Variants in PCDHGB6 observed in about 807,000 individuals in gnomAD.
PCDHGB6 encodes protocadherin gamma subfamily B, 6, also known as protocadherin gamma-B6.
PCDHGB6 carries 51 observed loss-of-function variants against 59.1 expected under a neutral mutation model. The observed-to-expected ratio is 0.86, with a 90% CI of 0.69 to 1.09. The LOEUF (loss-of-function observed/expected upper bound fraction) is 1.09, where lower values mean the gene tolerates loss of function less well. PCDHGB6 is among the 50% of genes least tolerant of loss of function. The probability of loss-of-function intolerance (pLI) is 0.00; values close to 1 mark genes in which losing one functional copy is unlikely to be tolerated. For synonymous variants in PCDHGB6, 466 were observed against 495.1 expected, an observed-to-expected ratio of 0.94 and a Z score of 0.78; for missense variants, 1,148 against 1,205.1, an observed-to-expected ratio of 0.95 and a Z score of 0.70.
chr5:141,491,414 G>C lies in PCDHGB6; in HGVS notation c.2419-3393G>C, dbSNP rs137987971. 35 of 1,614,008 alleles carry C rather than the reference G, an allele frequency of 2.2e-5. No homozygotes were observed. Among genetic ancestry groups the C allele is most frequent in the African/African-American group, 1.3e-4 (10 of 74,910 alleles). On this transcript the variant is annotated intron_variant, in intron 1 of 3. Coordinates refer to ENST00000520790, the MANE Select transcript of PCDHGB6 (RefSeq NM_018926.3). The surrounding 1 kb of genome is among the most constrained non-coding windows in gnomAD (Gnocchi z 6.9). ...CTTCAGGGAAACGCAGACGGGGACG[G>C]GGGTGGAGGGCAGTGCTGCAGGCGC...
intron 1 of PCDHGB6, chr5:141,422,759 A>G (rs2096670710): frequency 6.2e-7 from 1 of 1,613,252 alleles, no homozygotes; most frequent in Non-Finnish European, 8.5e-7. Flanking sequence ...ATTAACTCCA[A>G]CACTGGTGTT....
In PCDHGB6 at chr5:141,487,218, C is replaced by T; in HGVS notation, c.2419-7589C>T. The T allele has an allele frequency of 6.2e-7, 1 of 1,613,938 alleles. No individual in the cohort carries two copies. The highest frequency in any genetic ancestry group is 1.3e-5 in the African/African-American group (1 of 75,024). On this transcript the variant is annotated intron_variant, in intron 1 of 3. Coordinates refer to ENST00000520790, the MANE Select transcript of PCDHGB6 (RefSeq NM_018926.3). The surrounding 1 kb of genome is among the most constrained non-coding windows in gnomAD (Gnocchi z 5.0). ...CCAGATCTTCGAGAATCTTCAGCTCCAAGGGAAGGAGAATCTCGTCTAACC... is the reference window on the plus strand; with the variant it reads ...CCAGATCTTCGAGAATCTTCAGCTCTAAGGGAAGGAGAATCTCGTCTAACC...
chr5:141,423,996 A>G (rs1164307988), intron 1 of PCDHGB6: 1 of 1,079,028 alleles, frequency 9.3e-7, no homozygotes, highest in African/African-American at 1.7e-5. Context: ...AATTTATTAT[A>G]TATAGATACA....
In PCDHGB6 at chr5:141,450,141, G is replaced by A. The variant is rs762961199; in HGVS notation, c.2418+39521G>A. On this transcript the variant is annotated intron_variant, in intron 1 of 3. Transcript: ENST00000520790. ...CCTGCCTTAGCCTCCTGAGTAGCTG[G>A]GACTACAGGCATGTGCCACCACACT... Among the ~76,000 whole-genome samples, 401 of 151,622 alleles carry A rather than the reference G, an allele frequency of 2.6e-3. 1 individual carries two copies. The highest frequency in any genetic ancestry group is 3.8e-3 in the Non-Finnish European group (260 of 67,912).
chr5:141,485,826 G>A lies in PCDHGB6; in HGVS notation c.2419-8981G>A. The A allele has an allele frequency of 6.2e-7, 1 of 1,614,070 alleles. No individual in the cohort carries two copies. Among genetic ancestry groups the A allele is most frequent in the South Asian group, 1.1e-5 (1 of 91,078 alleles). Reference sequence around the variant, plus strand: ...CTGGTGCTGACTGCTGTCGATGGAGGGAACCCGCCGAGATCTGGCACCGCA... The same window carrying A: ...CTGGTGCTGACTGCTGTCGATGGAGAGAACCCGCCGAGATCTGGCACCGCA... On this transcript the variant is annotated intron_variant, in intron 1 of 3. Transcript: ENST00000520790. The surrounding 1 kb of genome is among the most constrained non-coding windows in gnomAD (Gnocchi z 5.7).
At chr5:141,474,133 C>T (rs35162249) in intron 1 of PCDHGB6, among the ~76,000 whole-genome samples, 9,247 of 152,260 alleles carry the variant, frequency 0.061, 334 homozygotes, top group South Asian at 0.12. Flanking sequence ...CAGAAAACTA[C>T]AGGCCTTATT....
intron 1 of PCDHGB6, chr5:141,418,283 ATCAG>A: frequency 1.9e-6 from 3 of 1,613,996 alleles, no homozygotes; most frequent in Non-Finnish European, 2.5e-6. Context: ...AAACTTAGAA[ATCAG>A]TGAATCCGTC....
intron 1 of PCDHGB6, chr5:141,415,469 C>T (rs1247738517): frequency 1.9e-6 from 3 of 1,614,208 alleles, no homozygotes; most frequent in South Asian, 2.2e-5. Flanking sequence ...TCTCTCACCG[C>T]GGACTCGCGA....
intron 1 of PCDHGB6, among the ~76,000 whole-genome samples, chr5:141,466,614 G>A (rs75804312): frequency 1.4e-3 from 218 of 152,142 alleles, no homozygotes; most frequent in Middle Eastern, 6.8e-3. Context: ...GTAAACTGCC[G>A]TTTTCTTTGG....
At position 141,415,772 on chromosome 5, in the gene PCDHGB6, T is replaced by A. The variant is rs540545854; in HGVS notation, c.2418+5152T>A. On this transcript the variant is annotated intron_variant, in intron 1 of 3. Coordinates refer to ENST00000520790, the MANE Select transcript of PCDHGB6 (RefSeq NM_018926.3). ...TTTTTTTTTTTTTTTTTTTTTTTTT[T>A]ACTTTCTGGTAAAATTCACCTAGTC... is the stretch of plus-strand genomic sequence containing the variant. 5,409 of 1,336,512 alleles carry A rather than the reference T, an allele frequency of 4.0e-3. 27 individuals carry two copies. The highest frequency in any genetic ancestry group is 7.3e-3 in the Admixed American group (200 of 27,462). 82.8% of individuals were successfully genotyped at this position (1,336,512 alleles called of 1,614,324 possible).
At chr5:141,454,311 T>C (rs755771201) in intron 1 of PCDHGB6, among the ~76,000 whole-genome samples, 1 of 152,216 alleles carries the variant, frequency 6.6e-6, no homozygotes, top group Non-Finnish European at 1.5e-5. Context: ...TTTCAAAGCA[T>C]TGAAACCTCC....
intron 1 of PCDHGB6, chr5:141,427,254 G>A (rs1013561568): frequency 1.8e-5 from 8 of 456,644 alleles, no homozygotes; most frequent in Non-Finnish European, 2.6e-5. Flanking sequence ...GGATGGTGGA[G>A]GCATGACCAG....
At chr5:141,413,812 C>T in intron 1 of PCDHGB6, 2 of 1,613,144 alleles carry the variant, frequency 1.2e-6, no homozygotes, top group Non-Finnish European at 1.7e-6. Flanking sequence ...GGCCATTCAC[C>T]ACCTGGTCCT....
In PCDHGB6 at chr5:141,485,818, C is replaced by T; in HGVS notation, c.2419-8989C>T. 6 of 1,613,912 alleles carry T rather than the reference C, an allele frequency of 3.7e-6. No homozygotes were observed. The highest frequency in any genetic ancestry group is 5.1e-6 in the Non-Finnish European group (6 of 1,179,974). On this transcript the variant is annotated intron_variant, in intron 1 of 3. Transcript: ENST00000520790. This position sits in a 1 kb window ranked among gnomAD's most constrained non-coding sequence, Gnocchi z 5.7. ...ACTACCGCCTGGTGCTGACTGCTGTCGATGGAGGGAACCCGCCGAGATCTG... is the reference window on the plus strand; with the variant it reads ...ACTACCGCCTGGTGCTGACTGCTGTTGATGGAGGGAACCCGCCGAGATCTG...
chr5:141,489,994 C>A lies in PCDHGB6; in HGVS notation c.2419-4813C>A, dbSNP rs1307285048. The A allele has an allele frequency of 1.2e-5, 19 of 1,614,192 alleles. No individual in the cohort carries two copies. The highest frequency in any genetic ancestry group is 1.6e-4 in the Middle Eastern group (1 of 6,062). On this transcript the variant is annotated intron_variant, in intron 1 of 3. Transcript: ENST00000520790. This position sits in a 1 kb window ranked among gnomAD's most constrained non-coding sequence, Gnocchi z 4.5. Reference sequence around the variant, plus strand: ...ATCCTCAGTTCTACGTGTGGGAATCCCAGAGAATGCACCCATTGGTACTCT... The same window carrying A: ...ATCCTCAGTTCTACGTGTGGGAATCACAGAGAATGCACCCATTGGTACTCT...
At chr5:141,419,465 G>C (rs568864628) in intron 1 of PCDHGB6, 77 of 1,612,426 alleles carry the variant, frequency 4.8e-5, no homozygotes, top group Non-Finnish European at 6.4e-5. Context: ...GCAGGCCCGC[G>C]ACCAGGGCTC....
At chr5:141,425,686 A>C (rs1026122573) in intron 1 of PCDHGB6, among the ~76,000 whole-genome samples, 4 of 152,252 alleles carry the variant, frequency 2.6e-5, no homozygotes, top group Non-Finnish European at 5.9e-5. Context: ...AATACTGCAT[A>C]TCATTTCATA....
At chr5:141,423,852 G>T (rs796757517) in intron 1 of PCDHGB6, 36 of 1,279,400 alleles carry the variant, frequency 2.8e-5, no homozygotes, top group Non-Finnish European at 3.5e-5. Context: ...CTTTCAGAAC[G>T]TTTTTGTGAA....
Position 141,487,165 on chromosome 5 carries a change from C to T in PCDHGB6, c.2419-7642C>T, listed in dbSNP as rs1014219030. The T allele has an allele frequency of 1.9e-6, 3 of 1,612,932 alleles. No homozygotes were observed. The highest frequency in any genetic ancestry group is 2.5e-6 in the Non-Finnish European group (3 of 1,178,918). On this transcript the variant is annotated intron_variant, in intron 1 of 3. Coordinates refer to ENST00000520790, the MANE Select transcript of PCDHGB6 (RefSeq NM_018926.3). The surrounding 1 kb of genome is among the most constrained non-coding windows in gnomAD (Gnocchi z 5.0). ...CTACCTCTGTTACTCTCTTAGTGTC[C>T]TTAGAGGAAGACACTCATCCAGTTG...
Sources: allele counts gnomAD v4.1 joint callset (sites outside exome capture counted in the v4.1 genomes callset), GRCh38; gene constraint gnomAD v4.1.1; non-coding constraint Gnocchi (gnomAD v3.1); transcripts MANE v1.5; gene names NCBI Gene and HGNC (gene_info 2026-07-23, HGNC 2026-07-21).